Variants in EXOC6 observed in about 807,000 individuals in gnomAD.
EXOC6 encodes the protein exocyst complex component 6, also known as SEC15-like 1.
Under a neutral mutation model 112.5 loss-of-function variants are expected in EXOC6, and 60 were observed. The observed-to-expected ratio is 0.53, with a 90% CI of 0.43 to 0.66. EXOC6 has a LOEUF of 0.66. Ranked by LOEUF, EXOC6 falls within the 30% of genes least tolerant of loss-of-function variation. The pLI is 0.00. For missense variants in EXOC6, 855 were observed against 957.1 expected (o/e 0.89, Z 1.41); for synonymous variants, 295 against 308.0 (o/e 0.96, Z 0.44).
intron 1 of EXOC6, among the ~76,000 whole-genome samples, chr10:92,881,395 G>T (rs886269563): frequency 6.6e-6 from 1 of 152,162 alleles, no homozygotes; most frequent in Admixed American, 6.5e-5. Context: ...GATGTGCAAA[G>T]AATTTTGGAC....
chr10:92,945,246 C>A (rs999061865), intron 13 of EXOC6, among the ~76,000 whole-genome samples: 1 of 152,022 alleles, frequency 6.6e-6, no homozygotes, highest in Non-Finnish European at 1.5e-5. Context: ...GAGTTGAGTT[C>A]CTTATGTATT....
chr10:92,870,185 C>G (rs1361620299), intron 1 of EXOC6, among the ~76,000 whole-genome samples: 1 of 151,960 alleles, frequency 6.6e-6, no homozygotes, highest in Non-Finnish European at 1.5e-5. Context: ...AACTCCTGAC[C>G]TCAGTTGATC....
intron 20 of EXOC6, among the ~76,000 whole-genome samples, chr10:93,028,563 G>T (rs891238154): frequency 1.3e-5 from 2 of 152,004 alleles, no homozygotes; most frequent in African/African-American, 4.8e-5. Context: ...TGCTGGATGC[G>T]GTGGCTCAGG....
chr10:92,937,650 G>C (rs1680653676), intron 12 of EXOC6, among the ~76,000 whole-genome samples: 1 of 152,090 alleles, frequency 6.6e-6, no homozygotes. Context: ...TAAATTTTGT[G>C]ATGACTGTAT....
intron 20 of EXOC6, among the ~76,000 whole-genome samples, chr10:93,049,728 C>T (rs571629557): frequency 2.0e-5 from 3 of 152,274 alleles, no homozygotes; most frequent in Admixed American, 1.3e-4. Flanking sequence ...TACAGGTGTG[C>T]ACCACCACAG....
chr10:93,036,315 T>C (rs1845514123), intron 20 of EXOC6, among the ~76,000 whole-genome samples: 1 of 152,180 alleles, frequency 6.6e-6, no homozygotes, highest in African/African-American at 2.4e-5. Flanking sequence ...TAGTGTACAT[T>C]CGAACATGTA....
rs1477288212 is a variant in EXOC6 at position 92,893,521 on chromosome 10, G to A, written c.273+1G>A. On this transcript the variant is annotated splice_donor_variant, in intron 2 of 21. Coordinates refer to ENST00000260762, the MANE Select transcript of EXOC6 (RefSeq NM_019053.6). LOFTEE classifies it high-confidence loss of function. Reference sequence around the variant, plus strand: ...AAGGACTGATGCAGAAAAACTGAAGGTAAGAAATATGTTAAAATTATTTGC... The same window carrying A: ...AAGGACTGATGCAGAAAAACTGAAGATAAGAAATATGTTAAAATTATTTGC... 1 of 1,591,686 alleles carries A rather than the reference G, an allele frequency of 6.3e-7. No individual in the cohort carries two copies. The highest frequency in any genetic ancestry group is 8.5e-7 in the Non-Finnish European group (1 of 1,170,056).
chr10:92,833,008 G>A (rs1846540244), upstream of EXOC6, among the ~76,000 whole-genome samples: 1 of 152,126 alleles, frequency 6.6e-6, no homozygotes, highest in African/African-American at 2.4e-5. Flanking sequence ...AGTCTCAAAG[G>A]ACTTACTCAT....
intron 1 of EXOC6, among the ~76,000 whole-genome samples, chr10:92,843,110 A>C (rs1295579882): frequency 6.6e-6 from 1 of 152,188 alleles, no homozygotes; most frequent in South Asian, 2.1e-4. Context: ...TTTTAGAAAA[A>C]AACTGATTTT....
At chr10:92,966,297 A>ATTT (rs1261655195) in intron 17 of EXOC6, among the ~76,000 whole-genome samples, 1,570 of 148,114 alleles carry the variant, frequency 0.011, 34 homozygotes, top group African/African-American at 0.036. Context: ...TATTATTATT[A>ATTT]TTATTATTAT....
chr10:92,859,676 G>A (rs935192001), intron 1 of EXOC6, among the ~76,000 whole-genome samples: 13 of 152,162 alleles, frequency 8.5e-5, no homozygotes, highest in Admixed American at 2.0e-4. Flanking sequence ...ACCTAATCTC[G>A]GGGAATTCTA....
At chr10:92,895,272 G>A (rs1426633758) in intron 4 of EXOC6, among the ~76,000 whole-genome samples, 1 of 151,516 alleles carries the variant, frequency 6.6e-6, no homozygotes, top group African/African-American at 2.4e-5. Context: ...TTTCCTTTTG[G>A]CCTCTTTTGC....
chr10:92,936,458 A>G (rs1852344603), intron 12 of EXOC6, among the ~76,000 whole-genome samples: 1 of 152,242 alleles, frequency 6.6e-6, no homozygotes, highest in Non-Finnish European at 1.5e-5. Flanking sequence ...TCTATGAGCA[A>G]ATCACTTTAC....
At chr10:92,997,744 C>A in intron 19 of EXOC6, 129 bp downstream of exon 19, 1 of 684,134 alleles carries the variant, frequency 1.5e-6, no homozygotes, top group Non-Finnish European at 2.2e-6. Flanking sequence ...TTTTAGCAGC[C>A]TTAGGAGTAG....
At chr10:92,855,925 C>T (rs571043540) in intron 1 of EXOC6, among the ~76,000 whole-genome samples, 3 of 152,118 alleles carry the variant, frequency 2.0e-5, no homozygotes, top group South Asian at 2.1e-4. Context: ...AGTGCAGTAG[C>T]GCGATCTTGG....
chr10:93,014,259 C>T lies in EXOC6; in HGVS notation c.2161C>T (p.Leu721Phe), dbSNP rs762156146. Residue 721 changes from leucine (L) to phenylalanine (F), a missense_variant, in exon 20 of 22, where the codon CTC becomes TTC. Leu to Phe is a conservative substitution (Grantham distance 22). This residue lies in a region of EXOC6 where 450 missense variants were observed against 563.5 expected (regional missense o/e 0.80). Coordinates refer to ENST00000260762, the MANE Select transcript of EXOC6 (RefSeq NM_019053.6). ...TACCCTGCAGCTAGCATTCATTGACCTCAGACAAGTAAGATATAATAATGT... is the reference window on the plus strand; with the variant it reads ...TACCCTGCAGCTAGCATTCATTGACTTCAGACAAGTAAGATATAATAATGT... ...GDTLQLAFID[L>F]RQLLDLFMVW... 6.2e-7 allele frequency: 1 copy of T among 1,612,290 alleles called. No individual in the cohort carries two copies. The highest frequency in any genetic ancestry group is 8.5e-7 in the Non-Finnish European group (1 of 1,178,564).
rs1474350160 is a variant in EXOC6 at position 92,940,742 on chromosome 10, G to C, written c.1228G>C (p.Val410Leu). The change falls in exon 13 of 22, where the codon GTG becomes CTG. Residue 410 changes from valine to leucine, a missense_variant. Physicochemically the swap from Val to Leu is conservative, Grantham distance 32. Transcript: ENST00000260762. ...TGTATTTTAGGGTTATGGTTTTCCAGTGAACCGACTTTTTGACCTTTTATT... is the reference window on the plus strand; with the variant it reads ...TGTATTTTAGGGTTATGGTTTTCCACTGAACCGACTTTTTGACCTTTTATT... The part of the protein sequence containing the change: ...ADTLQGYGFP[V>L]NRLFDLLFEI... 1 of 1,593,114 alleles carries C rather than the reference G, an allele frequency of 6.3e-7. No homozygotes were observed. Among genetic ancestry groups the C allele is most frequent in the Admixed American group, 1.7e-5 (1 of 58,470 alleles).
intron 18 of EXOC6, among the ~76,000 whole-genome samples, chr10:92,979,950 C>T (rs148181178): frequency 1.3e-5 from 2 of 149,700 alleles, no homozygotes; most frequent in Admixed American, 6.6e-5. Context: ...GATTAAAATA[C>T]CTATTCATCT....
At chr10:92,877,062 C>T (rs1432631857) in intron 1 of EXOC6, among the ~76,000 whole-genome samples, 6 of 152,068 alleles carry the variant, frequency 3.9e-5, no homozygotes, top group Non-Finnish European at 7.4e-5. Flanking sequence ...CATCCCTGAA[C>T]GGGAAGGCAG....
Sources: gnomAD v4.1 joint callset for allele counts (sites outside exome capture counted in the v4.1 genomes callset) on GRCh38, gnomAD v4.1.1 for gene constraint, gnomAD v4.1.1 regional missense constraint, MANE v1.5 for transcripts, NCBI Gene and HGNC (gene_info 2026-07-23, HGNC 2026-07-21) for gene names.